The following EXT2 variants were observed in gnomAD, a reference collection of about 807,000 sequenced individuals.
The protein encoded by EXT2 is exostosin-2.
Under a neutral mutation model 81.6 loss-of-function variants are expected in EXT2, and 53 were observed. That is an observed-to-expected ratio of 0.65 (90% CI 0.52 to 0.82). The LOEUF is 0.82. Ranked by LOEUF, EXT2 falls within the 40% of genes least tolerant of loss-of-function variation. The probability of loss-of-function intolerance (pLI) is 0.00; values close to 1 mark genes in which losing one functional copy is unlikely to be tolerated. For missense variants in EXT2, 774 were observed against 910.2 expected, an observed-to-expected ratio of 0.85 and a Z score of 1.93; for synonymous variants, 320 against 340.0, an observed-to-expected ratio of 0.94 and a Z score of 0.65.
chr11:44,181,901 T>C (rs546221821), intron 8 of EXT2, among the ~76,000 whole-genome samples: 30 of 152,338 alleles, frequency 2.0e-4, no homozygotes, highest in Middle Eastern at 6.8e-3. Flanking sequence ...AAGCTCTGTA[T>C]ACATGAATAA....
intron 7 of EXT2, among the ~76,000 whole-genome samples, chr11:44,155,429 G>C (rs1954843768): frequency 6.6e-6 from 1 of 151,546 alleles, no homozygotes; most frequent in South Asian, 2.1e-4. Flanking sequence ...TTTTGTGAAG[G>C]TGATTTTCTC....
At chr11:44,109,841 T>C (rs568427999) in intron 3 of EXT2, among the ~76,000 whole-genome samples, 1 of 152,274 alleles carries the variant, frequency 6.6e-6, no homozygotes, top group Admixed American at 6.5e-5. Flanking sequence ...TGGTATGGGG[T>C]GGCCATGACT....
chr11:44,241,249 G>A lies in EXT2; in HGVS notation c.2019-2900G>A, dbSNP rs117999958. On this transcript the variant is annotated intron_variant, in intron 13 of 13. Transcript: ENST00000533608. ...GACAAGTGTCTTCACCAAGGTTAGGGCAATATGACGGGCAGACAGTATTGA... is the reference window on the plus strand; with the variant it reads ...GACAAGTGTCTTCACCAAGGTTAGGACAATATGACGGGCAGACAGTATTGA... Among the ~76,000 whole-genome samples the A allele has an allele frequency of 5.0e-3, 759 of 152,158 alleles. 8 individuals carry two copies. The highest frequency in any genetic ancestry group is 0.044 in the East Asian group (227 of 5,178).
In EXT2 at chr11:44,144,269, G is replaced by A. The variant is rs587778300; in HGVS notation, c.1173+14131G>A. The A allele has an allele frequency of 2.7e-5, 43 of 1,598,294 alleles. No homozygotes were observed. In the South Asian group the frequency reaches 4.7e-4, roughly 18 times the overall value. On this transcript the variant is annotated intron_variant, in intron 7 of 13. Transcript: ENST00000533608. The stretch of plus-strand genomic sequence containing the variant: ...CAGCTCTTCATGGAACCAGCCAGGA[G>A]AGAGAACTGGTCAGCTGCTAATCAC...
At chr11:44,141,175 T>G (rs1954640588) in intron 7 of EXT2, among the ~76,000 whole-genome samples, 3 of 152,202 alleles carry the variant, frequency 2.0e-5, no homozygotes, top group Admixed American at 6.5e-5. Context: ...TATCCTCCCT[T>G]ATACTTTAAA....
At chr11:44,218,927 A>G (rs1955751398) in intron 10 of EXT2, among the ~76,000 whole-genome samples, 1 of 148,806 alleles carries the variant, frequency 6.7e-6, no homozygotes, top group Non-Finnish European at 1.5e-5. Flanking sequence ...CCTCCCGAGT[A>G]GCTGGGATTA....
At chr11:44,101,192 G>T (rs930697065) in intron 1 of EXT2, among the ~76,000 whole-genome samples, 1 of 152,186 alleles carries the variant, frequency 6.6e-6, no homozygotes, top group Non-Finnish European at 1.5e-5. Flanking sequence ...GAGAGAACCT[G>T]TTGACAGGTG....
At chr11:44,243,966 C>G (rs555743737) in intron 13 of EXT2, among the ~76,000 whole-genome samples, 183 bp from the exon 14 acceptor site, 1 of 152,184 alleles carries the variant, frequency 6.6e-6, no homozygotes, top group Non-Finnish European at 1.5e-5. Context: ...TTTTCCACAC[C>G]TGTCAACCTT....
intron 11 of EXT2, among the ~76,000 whole-genome samples, chr11:44,233,567 A>T (rs892123176): frequency 1.3e-5 from 2 of 152,174 alleles, no homozygotes; most frequent in South Asian, 4.1e-4. Flanking sequence ...AACAATCATA[A>T]CTTGTCTGTT....
At chr11:44,111,016 G>C (rs1287177949) in intron 3 of EXT2, among the ~76,000 whole-genome samples, 1 of 152,184 alleles carries the variant, frequency 6.6e-6, no homozygotes, top group Non-Finnish European at 1.5e-5. Flanking sequence ...AAGGAGGCAA[G>C]AACTGTGAAT....
chr11:44,153,352 A>G (rs761646803), intron 7 of EXT2, among the ~76,000 whole-genome samples: 3 of 152,168 alleles, frequency 2.0e-5, no homozygotes, highest in Non-Finnish European at 2.9e-5. Context: ...TGATTTTTGT[A>G]TATTAAACTT....
At chr11:44,243,619 T>G (rs907463672) in intron 13 of EXT2, among the ~76,000 whole-genome samples, 2 of 85,426 alleles carry the variant, frequency 2.3e-5, no homozygotes, top group African/African-American at 4.3e-5. Flanking sequence ...CCCTGTCACC[T>G]TTTTTTTTTT....
intron 10 of EXT2, among the ~76,000 whole-genome samples, chr11:44,222,011 A>T (rs1010928092): frequency 2.2e-4 from 34 of 152,222 alleles, no homozygotes; most frequent in Non-Finnish European, 2.8e-4. Context: ...AATCAGTGTG[A>T]TATTTACAGC....
chr11:44,119,207 A>C, intron 4 of EXT2, among the ~76,000 whole-genome samples: 1 of 136,762 alleles, frequency 7.3e-6, no homozygotes. Context: ...TTTGACTGTC[A>C]TGACTGTGGG....
chr11:44,116,800 T>C (rs1954227126), intron 4 of EXT2: 1 of 152,214 alleles, frequency 6.6e-6, no homozygotes. Flanking sequence ...TGGCCATTTA[T>C]ATAACTTCTT....
intron 7 of EXT2, among the ~76,000 whole-genome samples, chr11:44,134,693 T>C (rs1954540543): frequency 6.6e-6 from 1 of 152,204 alleles, no homozygotes; most frequent in Non-Finnish European, 1.5e-5. Flanking sequence ...TAGAAATGTT[T>C]GTATGGATAG....
chr11:44,107,478 G>A (rs1039407137), intron 1 of EXT2, among the ~76,000 whole-genome samples: 1 of 152,060 alleles, frequency 6.6e-6, no homozygotes, highest in African/African-American at 2.4e-5. Context: ...AGTTACTTGG[G>A]AGGCCAAAGT....
At chr11:44,159,662 CT>C (rs1954903373) in intron 7 of EXT2, among the ~76,000 whole-genome samples, 1 of 152,160 alleles carries the variant, frequency 6.6e-6, no homozygotes, top group African/African-American at 2.4e-5. Context: ...CTTACTCAGT[CT>C]CTTCAAACTG....
chr11:44,188,040 G>C (rs1409128832), intron 8 of EXT2, among the ~76,000 whole-genome samples: 3 of 152,170 alleles, frequency 2.0e-5, no homozygotes, highest in Middle Eastern at 3.2e-3. Context: ...TTCTGTCCCT[G>C]GCTTTCTGAT....
Sources: allele counts gnomAD v4.1 joint callset (sites outside exome capture counted in the v4.1 genomes callset), GRCh38; gene constraint gnomAD v4.1.1; transcripts MANE v1.5; gene names NCBI Gene and HGNC (gene_info 2026-07-23, HGNC 2026-07-21).